Variants in FSTL4 observed in about 807,000 individuals in gnomAD.
The protein encoded by FSTL4 is follistatin like 4.
Under a neutral mutation model 78.2 loss-of-function variants are expected in FSTL4, and 28 were observed. That is an observed-to-expected ratio of 0.36 (90% CI 0.27 to 0.49). FSTL4 has a LOEUF of 0.49. Among genes scored for constraint, FSTL4 ranks in the 20% least tolerant of loss-of-function variants. The pLI is 0.98. For missense variants in FSTL4, 922 were observed against 1,084.9 expected (o/e 0.85, Z 2.11); for synonymous variants, 422 against 440.5 (o/e 0.96, Z 0.53).
chr5:133,579,214 C>A (rs147034047), intron 2 of FSTL4, among the ~76,000 whole-genome samples: 30 of 152,318 alleles, frequency 2.0e-4, no homozygotes, highest in Non-Finnish European at 3.7e-4. Flanking sequence ...TGCAGCACAG[C>A]GCCTGGCGTA....
At chr5:133,491,984 T>G (rs1006800238) in intron 3 of FSTL4, among the ~76,000 whole-genome samples, 1 of 152,238 alleles carries the variant, frequency 6.6e-6, no homozygotes, top group African/African-American at 2.4e-5. Flanking sequence ...TTTTGTCTAC[T>G]TCTCTGCTGT....
intron 4 of FSTL4, among the ~76,000 whole-genome samples, chr5:133,368,797 G>A (rs1207721675): frequency 6.6e-6 from 1 of 152,124 alleles, no homozygotes; most frequent in African/African-American, 2.4e-5. Context: ...AGATGTACTT[G>A]GACCCTCCAA....
chr5:133,521,124 C>G (rs1213721775), intron 3 of FSTL4, among the ~76,000 whole-genome samples: 2 of 152,148 alleles, frequency 1.3e-5, no homozygotes, highest in Admixed American at 1.3e-4. Flanking sequence ...GACCCCAGCC[C>G]CACTCTTAGG....
At chr5:133,535,006 A>T (rs1262564935) in intron 3 of FSTL4, among the ~76,000 whole-genome samples, 1 of 152,232 alleles carries the variant, frequency 6.6e-6, no homozygotes, top group Non-Finnish European at 1.5e-5. Context: ...TATATTTGGC[A>T]TTAAGACTTT....
At chr5:133,393,714 C>A (rs549334145) in intron 4 of FSTL4, among the ~76,000 whole-genome samples, 1 of 152,288 alleles carries the variant, frequency 6.6e-6, no homozygotes, top group African/African-American at 2.4e-5. Flanking sequence ...CCCCAGGTTC[C>A]CCTGGTAACC....
intron 14 of FSTL4, among the ~76,000 whole-genome samples, chr5:133,207,473 C>T (rs1297794180): frequency 6.6e-6 from 1 of 152,194 alleles, no homozygotes; most frequent in African/African-American, 2.4e-5. Context: ...TTTTTAAACC[C>T]AGTCTGCTCA....
chr5:133,235,050 G>A (rs1751613745), intron 7 of FSTL4, among the ~76,000 whole-genome samples: 1 of 152,170 alleles, frequency 6.6e-6, no homozygotes, highest in Non-Finnish European at 1.5e-5. Context: ...GTGGTGGCAT[G>A]AGGGCTAAAA....
At chr5:133,341,659 C>T (rs1754585006) in intron 4 of FSTL4, among the ~76,000 whole-genome samples, 1 of 152,178 alleles carries the variant, frequency 6.6e-6, no homozygotes, top group Non-Finnish European at 1.5e-5. Flanking sequence ...GTGCCATTCT[C>T]TCCAGCCCCC....
intron 6 of FSTL4, among the ~76,000 whole-genome samples, chr5:133,305,263 G>A (rs1476622513): frequency 2.6e-5 from 4 of 152,184 alleles, no homozygotes; most frequent in Admixed American, 2.0e-4. Flanking sequence ...CAACTCTGGA[G>A]AGGCTGGGGA....
intron 12 of FSTL4, among the ~76,000 whole-genome samples, chr5:133,220,120 A>G (rs941936682): frequency 6.6e-6 from 1 of 152,252 alleles, no homozygotes; most frequent in Non-Finnish European, 1.5e-5. Flanking sequence ...GTGCACAGTT[A>G]TTTCATTCTG....
chr5:133,678,507 T>C, the FSTL4 span, among the ~76,000 whole-genome samples: 2 of 152,078 alleles, frequency 1.3e-5, no homozygotes, highest in Admixed American at 6.6e-5. Context: ...GGATCAATGT[T>C]GGTAGCATTA....
chr5:133,289,454 A>C (rs1753207550), intron 6 of FSTL4, among the ~76,000 whole-genome samples: 1 of 152,138 alleles, frequency 6.6e-6, no homozygotes, highest in African/African-American at 2.4e-5. Flanking sequence ...TGATATTTAC[A>C]TACCTCCTTC....
At chr5:133,664,074 A>G in the FSTL4 span, among the ~76,000 whole-genome samples, 2 of 152,316 alleles carry the variant, frequency 1.3e-5, no homozygotes, top group Non-Finnish European at 2.9e-5. Flanking sequence ...CCGCAGCTAC[A>G]TGAAAGCAGG....
intron 7 of FSTL4, among the ~76,000 whole-genome samples, chr5:133,238,920 G>A (rs1200703603): frequency 6.6e-6 from 1 of 152,242 alleles, no homozygotes; most frequent in East Asian, 1.9e-4. Flanking sequence ...GCCTGCCGCT[G>A]CACTGTGGGA....
intron 4 of FSTL4, among the ~76,000 whole-genome samples, chr5:133,370,032 T>C (rs2126942141): frequency 6.6e-6 from 1 of 151,754 alleles, no homozygotes; most frequent in East Asian, 2.0e-4. Context: ...AAGAGCATCC[T>C]ACTGGATTCC....
the FSTL4 span, among the ~76,000 whole-genome samples, chr5:133,783,376 C>T: frequency 2.0e-5 from 3 of 152,186 alleles, no homozygotes; most frequent in African/African-American, 7.2e-5. Context: ...CCCAGCTTAA[C>T]GCCTTTTGTC....
chr5:133,615,747 A>G (rs1015006412), upstream of FSTL4, among the ~76,000 whole-genome samples: 11 of 152,240 alleles, frequency 7.2e-5, no homozygotes, highest in African/African-American at 2.7e-4. Context: ...AAGATTACAC[A>G]TACATAATTG....
At chr5:133,319,772 A>AC (rs1194708678) in intron 4 of FSTL4, among the ~76,000 whole-genome samples, 1 of 152,210 alleles carries the variant, frequency 6.6e-6, no homozygotes, top group African/African-American at 2.4e-5. Context: ...CCTGAGATGA[A>AC]CCAAGGGATT....
the FSTL4 span, among the ~76,000 whole-genome samples, chr5:133,683,093 T>TC: frequency 1.8e-4 from 27 of 148,040 alleles, no homozygotes; most frequent in Middle Eastern, 3.5e-3. Flanking sequence ...GTCCATATTT[T>TC]CCCGAGTATT....
Sources: allele counts gnomAD v4.1 joint callset (sites outside exome capture counted in the v4.1 genomes callset), GRCh38; gene constraint gnomAD v4.1.1; transcripts MANE v1.5; gene names NCBI Gene and HGNC (gene_info 2026-07-23, HGNC 2026-07-21).